Variants in IFT43 observed in about 807,000 individuals in gnomAD.
IFT43 encodes the protein intraflagellar transport protein 43 homolog.
In IFT43, 33 loss-of-function variants were observed where a neutral mutation model predicts 32.3. The ratio of observed to expected loss-of-function variants is 1.02; its 90% confidence interval spans 0.77 to 1.37. The LOEUF (loss-of-function observed/expected upper bound fraction) is 1.37. IFT43 is among the 40% of genes most tolerant of loss of function. The pLI, the probability that IFT43 is intolerant of heterozygous loss-of-function variation, is 0.00. For synonymous variants in IFT43, 93 were observed against 98.2 expected, an observed-to-expected ratio of 0.95 and a Z score of 0.31; for missense variants, 274 against 265.9, an observed-to-expected ratio of 1.03 and a Z score of -0.21.
rs576971935 is a variant in IFT43 at position 76,071,011 on chromosome 14, A to G, written c.296-11284A>G. Among the ~76,000 whole-genome samples the G allele has an allele frequency of 4.6e-5, 7 of 152,244 alleles. No individual in the cohort carries two copies. In the South Asian group the frequency reaches 1.5e-3, roughly 32 times the overall value. On this transcript the variant is annotated intron_variant, in intron 5 of 8. Coordinates refer to ENST00000314067, the MANE Select transcript of IFT43 (RefSeq NM_001102564.3). ...TACTTCTGATGTTTTATCAAATAACACTCCTTAAACTCAATTTGTTTTCCT... is the reference window on the plus strand; with the variant it reads ...TACTTCTGATGTTTTATCAAATAACGCTCCTTAAACTCAATTTGTTTTCCT...
intron 3 of IFT43, among the ~76,000 whole-genome samples, chr14:76,056,306 T>G (rs1026719500): frequency 3.3e-5 from 5 of 152,198 alleles, no homozygotes; most frequent in Admixed American, 2.6e-4. Context: ...GAGGACTCCA[T>G]TTGATCTTTC....
intron 3 of IFT43, among the ~76,000 whole-genome samples, chr14:76,046,068 A>G (rs940542372): frequency 7.2e-5 from 11 of 152,218 alleles, no homozygotes; most frequent in African/African-American, 2.4e-5. Flanking sequence ...ACCTAATTCT[A>G]GAAGCTTCCC....
chr14:76,071,121 C>T (rs2037313835), intron 5 of IFT43, among the ~76,000 whole-genome samples: 1 of 152,164 alleles, frequency 6.6e-6, no homozygotes, highest in East Asian at 1.9e-4. Context: ...AGGAACTCCA[C>T]ATCCATAGTG....
At chr14:76,056,013 A>T (rs1219959648) in intron 3 of IFT43, among the ~76,000 whole-genome samples, 1 of 152,208 alleles carries the variant, frequency 6.6e-6, no homozygotes, top group Non-Finnish European at 1.5e-5. Flanking sequence ...TAAACTAAAA[A>T]GTTAAGAGTC....
intron 2 of IFT43, among the ~76,000 whole-genome samples, chr14:75,998,452 C>A (rs1480302070): frequency 1.3e-5 from 2 of 152,148 alleles, no homozygotes; most frequent in African/African-American, 2.4e-5. Flanking sequence ...GGGCTTCTGA[C>A]GGAAGTGGAC....
chr14:76,065,916 G>C (rs1026173075), intron 5 of IFT43, among the ~76,000 whole-genome samples: 1 of 152,188 alleles, frequency 6.6e-6, no homozygotes, highest in African/African-American at 2.4e-5. Flanking sequence ...ACTGTGCCCA[G>C]CTCATTAACC....
chr14:76,012,503 C>G (rs1479310517), intron 2 of IFT43, among the ~76,000 whole-genome samples: 8 of 152,368 alleles, frequency 5.3e-5, no homozygotes, highest in East Asian at 1.9e-4. Context: ...AACCGCCAGT[C>G]ACGTGCTTCC....
intron 3 of IFT43, among the ~76,000 whole-genome samples, chr14:76,031,922 TG>T (rs1356474836): frequency 1.3e-5 from 2 of 152,206 alleles, no homozygotes; most frequent in Non-Finnish European, 2.9e-5. Context: ...GTCTACGCAG[TG>T]ATGACTCCAG....
At chr14:76,059,514 C>A in intron 5 of IFT43, 141 bp downstream of exon 5, 1 of 791,280 alleles carries the variant, frequency 1.3e-6, no homozygotes. Flanking sequence ...TGCACATCTT[C>A]ATGCCTTGCT....
At chr14:76,003,106 G>C (rs1159605286) in intron 2 of IFT43, among the ~76,000 whole-genome samples, 1 of 152,182 alleles carries the variant, frequency 6.6e-6, no homozygotes, top group Non-Finnish European at 1.5e-5. Context: ...CAGGAAAAGG[G>C]TACTGACTAA....
At chr14:76,075,092 GCCT>G (rs2037389717) in intron 5 of IFT43, among the ~76,000 whole-genome samples, 1 of 152,220 alleles carries the variant, frequency 6.6e-6, no homozygotes, top group African/African-American at 2.4e-5. Context: ...CCCATCGCAT[GCCT>G]CCTCAGGGAC....
chr14:76,069,347 GAGAGC>G (rs1214761707), intron 5 of IFT43, among the ~76,000 whole-genome samples: 2 of 152,154 alleles, frequency 1.3e-5, no homozygotes, highest in Non-Finnish European at 2.9e-5. Flanking sequence ...ACTTCAACTT[GAGAGC>G]AGAGTAGAGT....
intron 2 of IFT43, among the ~76,000 whole-genome samples, chr14:76,011,745 C>T (rs1889088831): frequency 6.6e-6 from 1 of 152,104 alleles, no homozygotes; most frequent in Non-Finnish European, 1.5e-5. Context: ...TTGAGTGATC[C>T]ATTACCTTCC....
In IFT43 at chr14:76,076,608, C is replaced by A. The variant is rs2037417295; in HGVS notation, c.296-5687C>A. ...ACTTTCTGTTCTAGCGGTACCCAAA[C>A]AGGCAAACAACAGCTGGATCTGAAC... is the stretch of plus-strand genomic sequence containing the variant. On this transcript the variant is annotated intron_variant, in intron 5 of 8. Coordinates refer to ENST00000314067, the MANE Select transcript of IFT43 (RefSeq NM_001102564.3). 16 of 1,614,032 alleles carry A rather than the reference C, an allele frequency of 9.9e-6. No homozygotes were observed. In the South Asian group the frequency reaches 1.6e-4, roughly 17 times the overall value.
intron 3 of IFT43, among the ~76,000 whole-genome samples, chr14:76,057,933 G>C (rs999462948): frequency 1.3e-5 from 2 of 152,160 alleles, no homozygotes; most frequent in Non-Finnish European, 2.9e-5. Flanking sequence ...CTCAGAGTGT[G>C]AGTAGTGACC....
intron 2 of IFT43, among the ~76,000 whole-genome samples, chr14:75,991,790 A>G (rs961443883): frequency 7.2e-5 from 11 of 152,028 alleles, no homozygotes; most frequent in East Asian, 5.8e-4. Flanking sequence ...TCTTCACCCA[A>G]CTGTTGCCTC....
chr14:76,013,018 GTTC>G (rs1212559369), intron 2 of IFT43, among the ~76,000 whole-genome samples: 2 of 152,134 alleles, frequency 1.3e-5, no homozygotes, highest in African/African-American at 4.8e-5. Context: ...TAGAAAATAG[GTTC>G]TTCTAAAATG....
intron 2 of IFT43, among the ~76,000 whole-genome samples, chr14:75,992,123 A>T (rs575646942): frequency 2.0e-5 from 3 of 152,220 alleles, no homozygotes; most frequent in Admixed American, 6.5e-5. Flanking sequence ...GTTCAAACAC[A>T]TGGTTATTTT....
At chr14:76,017,656 T>A (rs970882590) in intron 2 of IFT43, among the ~76,000 whole-genome samples, 1 of 152,096 alleles carries the variant, frequency 6.6e-6, no homozygotes, top group African/African-American at 2.4e-5. Context: ...TTTGGTAGAA[T>A]TCAATAGTAA....
Sources: allele counts gnomAD v4.1 joint callset (sites outside exome capture counted in the v4.1 genomes callset), GRCh38; gene constraint gnomAD v4.1.1; transcripts MANE v1.5; gene names NCBI Gene and HGNC (gene_info 2026-07-23, HGNC 2026-07-21).